Variants in TTI1 observed in about 807,000 individuals in gnomAD.
The protein encoded by TTI1 is TELO2 interacting protein 1, also known as TELO2-interacting protein 1 homolog.
Under a neutral mutation model 85.4 loss-of-function variants are expected in TTI1, and 52 were observed. The ratio of observed to expected loss-of-function variants is 0.61; its 90% CI spans 0.49 to 0.77. TTI1 has a LOEUF of 0.77. Ranked by LOEUF, TTI1 falls within the 30% of genes least tolerant of loss-of-function variation. The pLI, the probability that TTI1 is intolerant of heterozygous loss-of-function variation, is 0.00. For missense variants in TTI1, 1,173 were observed against 1,296.0 expected (o/e 0.91, Z 1.46); for synonymous variants, 512 against 503.9 (o/e 1.02, Z -0.22).
chr20:37,998,821 C>T (rs1468724418), intron 5 of TTI1, among the ~76,000 whole-genome samples: 1 of 152,194 alleles, frequency 6.6e-6, no homozygotes, highest in Non-Finnish European at 1.5e-5. Context: ...GAACTCAATG[C>T]TCTGGGTTTG....
chr20:37,996,676 A>T (rs890341085), intron 6 of TTI1, 73 bp downstream of exon 6: 1 of 1,531,870 alleles, frequency 6.5e-7, no homozygotes, highest in Admixed American at 1.8e-5. Flanking sequence ...GGCACGACTG[A>T]GCAGAGGGCA....
intron 7 of TTI1, among the ~76,000 whole-genome samples, chr20:37,992,395 GC>G (rs2073277416): frequency 6.6e-6 from 1 of 151,984 alleles, no homozygotes; most frequent in South Asian, 2.1e-4. Context: ...TCCTGCCTCA[GC>G]TTCCCAAGTA....
intron 1 of TTI1, among the ~76,000 whole-genome samples, chr20:38,019,538 T>C (rs930827269): frequency 1.3e-5 from 2 of 152,022 alleles, no homozygotes; most frequent in African/African-American, 4.8e-5. Context: ...AGCTCTAAGA[T>C]AATTGTAAAA....
At chr20:38,017,676 A>C (rs1370185014) in intron 1 of TTI1, among the ~76,000 whole-genome samples, 1 of 152,222 alleles carries the variant, frequency 6.6e-6, no homozygotes, top group Non-Finnish European at 1.5e-5. Context: ...AAGCTGGGGT[A>C]ACAAAGCTGG....
intron 1 of TTI1, among the ~76,000 whole-genome samples, chr20:38,023,372 A>C (rs1440031247): frequency 2.6e-5 from 4 of 152,228 alleles, no homozygotes; most frequent in Non-Finnish European, 4.4e-5. Context: ...ACGGAATCAG[A>C]ATCAATGTGG....
chr20:38,009,227 T>C (rs2073545294), intron 2 of TTI1, among the ~76,000 whole-genome samples: 1 of 152,228 alleles, frequency 6.6e-6, no homozygotes, highest in Non-Finnish European at 1.5e-5. Flanking sequence ...AGTCTTAGTC[T>C]GCATAAGCAA....
At chr20:37,987,772 A>C (rs1191552362) in intron 7 of TTI1, among the ~76,000 whole-genome samples, 1 of 152,230 alleles carries the variant, frequency 6.6e-6, no homozygotes, top group African/African-American at 2.4e-5. Context: ...CTTAAAATGC[A>C]GTTTTATTGA....
intron 6 of TTI1, 100 bp from the exon 7 acceptor site, chr20:37,996,562 T>C (rs1218670742): frequency 7.5e-6 from 11 of 1,459,606 alleles, no homozygotes; most frequent in Non-Finnish European, 1.0e-5. Flanking sequence ...CTAGGCAAGA[T>C]GCTCTGGGCT....
At chr20:38,022,307 T>C (rs2073781394) in intron 1 of TTI1, among the ~76,000 whole-genome samples, 1 of 152,210 alleles carries the variant, frequency 6.6e-6, no homozygotes, top group Non-Finnish European at 1.5e-5. Flanking sequence ...TTAACACTGC[T>C]ACCCATGCTT....
intron 1 of TTI1, among the ~76,000 whole-genome samples, chr20:38,019,788 G>A (rs1266084318): frequency 6.6e-6 from 1 of 152,188 alleles, no homozygotes; most frequent in Non-Finnish European, 1.5e-5. Flanking sequence ...TTGGTGGAGG[G>A]CTGTCTTGTG....
intron 1 of TTI1, 102 bp from the exon 2 acceptor site, chr20:38,013,959 C>T: frequency 8.3e-7 from 1 of 1,210,440 alleles, no homozygotes; most frequent in South Asian, 1.5e-5. Flanking sequence ...GGTCTATGTG[C>T]CAGCCACTGC....
Position 38,013,167 on chromosome 20 carries a change from A to C in TTI1, c.650T>G (p.Leu217Arg). The change falls in exon 2 of 8, where the codon CTG (leucine) becomes CGG (arginine). Residue 217 changes from leucine to arginine, a missense_variant. Transcript: ENST00000373447. The part of the protein sequence containing the change: ...ASFLPGISTA[L>R]TRLITGDFKQ... Reference sequence around the variant, plus strand: ...AAAGTCTCCTGTGATAAGCCTGGTCAGTGCAGTTGAGATTCCAGGTAAAAA... The same window carrying C: ...AAAGTCTCCTGTGATAAGCCTGGTCCGTGCAGTTGAGATTCCAGGTAAAAA... The C allele has an allele frequency of 6.2e-7, 1 of 1,614,196 alleles. No individual in the cohort carries two copies. The highest frequency in any genetic ancestry group is 8.5e-7 in the Non-Finnish European group (1 of 1,180,046).
chr20:37,986,816 A>G (rs2073196389), intron 7 of TTI1, among the ~76,000 whole-genome samples: 1 of 152,206 alleles, frequency 6.6e-6, no homozygotes, highest in Admixed American at 6.5e-5. Context: ...CAGCACTACC[A>G]TGCCATGGAT....
intron 2 of TTI1, among the ~76,000 whole-genome samples, chr20:38,010,531 C>T (rs142599134): frequency 0.023 from 3,102 of 137,842 alleles, 97 homozygotes; most frequent in African/African-American, 0.079. Flanking sequence ...AGTGCAGTGG[C>T]GCGATCTTGG....
chr20:38,026,991 C>T (rs1318779751), intron 1 of TTI1, among the ~76,000 whole-genome samples: 1 of 152,072 alleles, frequency 6.6e-6, no homozygotes, highest in Non-Finnish European at 1.5e-5. Flanking sequence ...AGAGGGACCA[C>T]TAAAAGGGCT....
At position 38,002,780 on chromosome 20, in the gene TTI1, G is replaced by A. The variant is rs2073444456; in HGVS notation, c.2504-4C>T. On this transcript the variant is annotated splice_region_variant and splice_polypyrimidine_tract_variant and intron_variant, in intron 3 of 7. Coordinates refer to ENST00000373447, the MANE Select transcript of TTI1 (RefSeq NM_001303457.2). ...TTGGGAGGGACTGACTGTTCCTCTG[G>A]AAAAAGAGCACAACTGGGGGCAGTG... The A allele has an allele frequency of 6.2e-7, 1 of 1,613,474 alleles. No homozygotes were observed.
In TTI1 at chr20:38,007,297, C is replaced by T. The variant is rs142453382; in HGVS notation, c.2303-900G>A. Among the ~76,000 whole-genome samples, 923 of 152,352 alleles carry T rather than the reference C, an allele frequency of 6.1e-3. 7 individuals are homozygous for T. Among genetic ancestry groups the T allele is most frequent in the African/African-American group, 0.021 (880 of 41,582 alleles). On this transcript the variant is annotated intron_variant, in intron 2 of 7. Transcript: ENST00000373447. ...TGCTTCAGAAAGCTGGCCATTTTCT[C>T]TCCAAAGTCTTCCCTATTCGGTGGT... is the stretch of plus-strand genomic sequence containing the variant.
At chr20:38,021,878 T>C (rs140273500) in intron 1 of TTI1, among the ~76,000 whole-genome samples, 49 of 152,326 alleles carry the variant, frequency 3.2e-4, no homozygotes, top group African/African-American at 1.2e-3. Context: ...GACGGTGTTA[T>C]ACTTTACAGA....
chr20:38,006,119 C>A, intron 3 of TTI1, 78 bp downstream of exon 3: 1 of 1,522,382 alleles, frequency 6.6e-7, no homozygotes, highest in Non-Finnish European at 9.0e-7. Context: ...TCTACCCTTT[C>A]TGTAATGATG....
Sources: gnomAD v4.1 joint callset for allele counts (sites outside exome capture counted in the v4.1 genomes callset) on GRCh38, gnomAD v4.1.1 for gene constraint, MANE v1.5 for transcripts, NCBI Gene and HGNC (gene_info 2026-07-23, HGNC 2026-07-21) for gene names.